The following LINGO2 variants were observed in gnomAD, a reference collection of about 807,000 sequenced individuals.
LINGO2 encodes the protein leucine rich repeat and Ig domain containing 2.
In LINGO2, 14 loss-of-function variants were observed where a neutral mutation model predicts 30.6. That is an observed-to-expected ratio of 0.46 (90% confidence interval 0.30 to 0.72). The LOEUF (loss-of-function observed/expected upper bound fraction) is 0.72, where lower values mean the gene tolerates loss of function less well. Ranked by LOEUF, LINGO2 falls within the 30% of genes least tolerant of loss-of-function variation. The pLI is 0.07. For synonymous variants in LINGO2, 317 were observed against 288.5 expected (o/e 1.10, Z -1.00); for missense variants, 729 against 751.7 (o/e 0.97, Z 0.35).
chr9:27,976,587 T>C (rs1478827275), intron 5 of LINGO2, among the ~76,000 whole-genome samples: 1 of 152,086 alleles, frequency 6.6e-6, no homozygotes, highest in Non-Finnish European at 1.5e-5. Flanking sequence ...CATTGTTTTA[T>C]AGATAGGCAA....
At chr9:28,830,786 A>ATGCATG in the LINGO2 span, among the ~76,000 whole-genome samples, 1 of 150,492 alleles carries the variant, frequency 6.6e-6, no homozygotes, top group South Asian at 2.1e-4. Context: ...GTACATGCTC[A>ATGCATG]TACACACACA....
chr9:28,312,516 T>G (rs918483405), intron 3 of LINGO2, among the ~76,000 whole-genome samples: 1 of 152,124 alleles, frequency 6.6e-6, no homozygotes, highest in Non-Finnish European at 1.5e-5. Context: ...AGAAGCTAAA[T>G]AAGAGGATTT....
intron 4 of LINGO2, among the ~76,000 whole-genome samples, chr9:28,276,383 T>G (rs913446570): frequency 1.3e-5 from 2 of 152,140 alleles, no homozygotes; most frequent in African/African-American, 4.8e-5. Flanking sequence ...TTCTTATTAA[T>G]CTAAATCTAG....
chr9:28,593,694 C>T (rs1825036049), intron 1 of LINGO2, among the ~76,000 whole-genome samples: 1 of 144,234 alleles, frequency 6.9e-6, no homozygotes, highest in Non-Finnish European at 1.5e-5. Flanking sequence ...AAGATCATTT[C>T]ACCAGAAAGT....
At chr9:28,350,811 A>G (rs1819842540) in intron 3 of LINGO2, among the ~76,000 whole-genome samples, 1 of 151,476 alleles carries the variant, frequency 6.6e-6, no homozygotes, top group African/African-American at 2.4e-5. Flanking sequence ...CTCAGACCAC[A>G]GTGCAATCAA....
chr9:28,461,169 T>C (rs1446877272), intron 2 of LINGO2, among the ~76,000 whole-genome samples: 1 of 152,216 alleles, frequency 6.6e-6, no homozygotes, highest in Non-Finnish European at 1.5e-5. Flanking sequence ...TACTGGAAAT[T>C]GAAGTTGATT....
At chr9:28,791,029 T>C in the LINGO2 span, among the ~76,000 whole-genome samples, 1 of 152,170 alleles carries the variant, frequency 6.6e-6, no homozygotes, top group African/African-American at 2.4e-5. Context: ...TAAAACATTA[T>C]TTGAGAAAAA....
intron 1 of LINGO2, among the ~76,000 whole-genome samples, chr9:28,635,211 T>C (rs1435989592): frequency 6.6e-6 from 1 of 152,226 alleles, no homozygotes; most frequent in African/African-American, 2.4e-5. Context: ...CTGTCACTTA[T>C]AACCAAAAGA....
chr9:27,967,765 C>T (rs775283913), intron 5 of LINGO2, among the ~76,000 whole-genome samples: 21 of 152,228 alleles, frequency 1.4e-4, no homozygotes, highest in Middle Eastern at 3.4e-3. Context: ...TAAGGTTTAA[C>T]TCTGACCTTT....
At chr9:29,191,849 C>T in the LINGO2 span, among the ~76,000 whole-genome samples, 655 of 151,990 alleles carry the variant, frequency 4.3e-3, 7 homozygotes, top group African/African-American at 0.015. Context: ...GTTACAATTA[C>T]GCTGTAAACG....
chr9:27,968,545 G>C (rs1175531559), intron 5 of LINGO2, among the ~76,000 whole-genome samples: 2 of 152,074 alleles, frequency 1.3e-5, no homozygotes, highest in South Asian at 4.1e-4. Flanking sequence ...TAAAGTGTTA[G>C]ATTGTGCTAT....
At chr9:28,322,555 G>A (rs1387350272) in intron 3 of LINGO2, among the ~76,000 whole-genome samples, 2 of 152,000 alleles carry the variant, frequency 1.3e-5, no homozygotes, top group African/African-American at 4.8e-5. Context: ...AGAGGACACT[G>A]AATTTAATAA....
chr9:28,746,187 C>T, the LINGO2 span, among the ~76,000 whole-genome samples: 2 of 151,764 alleles, frequency 1.3e-5, no homozygotes, highest in Non-Finnish European at 2.9e-5. Context: ...TATATAATTC[C>T]CATCTCTTCA....
At chr9:28,285,398 A>ATTTTTTTTTT (rs34034595) in intron 4 of LINGO2, among the ~76,000 whole-genome samples, 3 of 76,202 alleles carry the variant, frequency 3.9e-5, no homozygotes, top group East Asian at 4.4e-4. Flanking sequence ...GCCCAAGATC[A>ATTTTTTTTTT]TTTTTTTTTT....
chr9:29,140,422 C>G, the LINGO2 span, among the ~76,000 whole-genome samples: 438 of 151,568 alleles, frequency 2.9e-3, 2 homozygotes, highest in African/African-American at 9.9e-3. Context: ...AGGGATTTAA[C>G]AGCAAATTGG....
the LINGO2 span, among the ~76,000 whole-genome samples, chr9:29,059,523 AAGAC>A: frequency 2.2e-4 from 33 of 151,918 alleles, no homozygotes; most frequent in African/African-American, 7.7e-4. Context: ...TATTAGAGCA[AAGAC>A]AGACAAATAG....
chr9:29,153,408 C>T, the LINGO2 span, among the ~76,000 whole-genome samples: 1 of 152,034 alleles, frequency 6.6e-6, no homozygotes, highest in African/African-American at 2.4e-5. Context: ...ATCCAGTTCT[C>T]ATACATTGCT....
intron 2 of LINGO2, among the ~76,000 whole-genome samples, chr9:28,464,864 T>C (rs1415186654): frequency 2.6e-5 from 4 of 152,110 alleles, no homozygotes; most frequent in African/African-American, 4.8e-5. Context: ...ACAAATGGAA[T>C]AATATTGAGA....
the LINGO2 span, among the ~76,000 whole-genome samples, chr9:29,191,000 T>C: frequency 2.0e-5 from 3 of 152,298 alleles, no homozygotes; most frequent in South Asian, 6.2e-4. Flanking sequence ...TTATTGAGTG[T>C]CAATTTTGAA....
Sources: allele counts gnomAD v4.1 joint callset (sites outside exome capture counted in the v4.1 genomes callset), GRCh38; gene constraint gnomAD v4.1.1; transcripts MANE v1.5; gene names NCBI Gene and HGNC (gene_info 2026-07-23, HGNC 2026-07-21).